Variants in PRDM16 observed in about 807,000 individuals in gnomAD.
The protein encoded by PRDM16 is histone-lysine N-methyltransferase PRDM16.
PRDM16 carries 23 observed loss-of-function variants against 110.6 expected under a neutral mutation model. The ratio of observed to expected loss-of-function variants is 0.21; its 90% CI spans 0.15 to 0.29. PRDM16 has a LOEUF of 0.29. Among genes scored for constraint, PRDM16 ranks in the 10% least tolerant of loss-of-function variants. PRDM16 has a pLI of 1.00. For missense variants in PRDM16, 1,615 were observed against 1,794.3 expected, an observed-to-expected ratio of 0.90 and a Z score of 1.81; for synonymous variants, 799 against 781.8, an observed-to-expected ratio of 1.02 and a Z score of -0.37.
At position 3,278,254 on chromosome 1, in the gene PRDM16, C is replaced by G. The variant is rs1332417247; in HGVS notation, c.438+34117C>G. ...GCCATGCTGCATCTCCTCCAGCATC[C>G]CAAATCCTCCCCATGGGCCATCTCC... On this transcript the variant is annotated intron_variant, in intron 3 of 16. Transcript: ENST00000270722. Among the ~76,000 whole-genome samples the G allele has an allele frequency of 3.3e-5, 5 of 152,220 alleles. No homozygotes were observed. In the East Asian group the frequency reaches 9.6e-4, roughly 29 times the overall value.
chr1:3,332,844 C>T (rs1418767513), intron 3 of PRDM16, among the ~76,000 whole-genome samples: 3 of 152,080 alleles, frequency 2.0e-5, no homozygotes, highest in African/African-American at 7.2e-5. Context: ...CTGGATTTGT[C>T]CTCTCCATGG....
chr1:3,235,072 G>T (rs1639507457), intron 2 of PRDM16, among the ~76,000 whole-genome samples: 1 of 152,256 alleles, frequency 6.6e-6, no homozygotes. Flanking sequence ...AGAGTGCAGA[G>T]GGTGTCCCTG....
chr1:3,316,775 G>C (rs558319898), intron 3 of PRDM16, among the ~76,000 whole-genome samples: 57 of 151,946 alleles, frequency 3.8e-4, no homozygotes, highest in Non-Finnish European at 6.8e-4. Flanking sequence ...AGGGTAGACA[G>C]GAAACATTGA....
chr1:3,253,434 C>T (rs1426116953), intron 3 of PRDM16, among the ~76,000 whole-genome samples: 1 of 147,214 alleles, frequency 6.8e-6, no homozygotes, highest in Non-Finnish European at 1.5e-5. Flanking sequence ...GTTCAATTCC[C>T]ACCTATGAGT....
intron 3 of PRDM16, among the ~76,000 whole-genome samples, chr1:3,351,193 T>G (rs1642474709): frequency 1.3e-5 from 2 of 152,100 alleles, no homozygotes; most frequent in Non-Finnish European, 2.9e-5. Flanking sequence ...CCCCGGCCCC[T>G]GGCCAGTGCC....
At chr1:3,405,682 C>T (rs751168823) in intron 8 of PRDM16, 34 bp downstream of exon 8, 22 of 1,524,670 alleles carry the variant, frequency 1.4e-5, no homozygotes, top group African/African-American at 2.8e-5. Flanking sequence ...GCCTGCCCTC[C>T]GGGTGCGCGG....
At chr1:3,169,963 T>C (rs144781354) in intron 1 of PRDM16, among the ~76,000 whole-genome samples, 1,524 of 152,366 alleles carry the variant, frequency 0.01, 29 homozygotes, top group African/African-American at 0.034. Flanking sequence ...GTATGTGGAC[T>C]GTGCACACCT....
At position 3,081,778 on chromosome 1, in the gene PRDM16, G is replaced by T. The variant is rs1642035053; in HGVS notation, c.37+12482G>T. ...GAGGCCCCCATGGAAGGCCCGTGTT[G>T]GGGGACCTTCCATGGGCAGCAGGGC... is the stretch of plus-strand genomic sequence containing the variant. On this transcript the variant is annotated intron_variant, in intron 1 of 16. Transcript: ENST00000270722. This position sits in a 1 kb window ranked among gnomAD's most constrained non-coding sequence, Gnocchi z 4.6. Among the ~76,000 whole-genome samples, 1 of 151,756 alleles carries T rather than the reference G, an allele frequency of 6.6e-6. No homozygotes were observed. The highest frequency in any genetic ancestry group is 1.5e-5 in the Non-Finnish European group (1 of 67,916).
chr1:3,409,155 G>T (rs570525461), intron 8 of PRDM16, among the ~76,000 whole-genome samples: 339 of 145,398 alleles, frequency 2.3e-3, no homozygotes, highest in Non-Finnish European at 3.4e-3. Flanking sequence ...GTGGGTGTGT[G>T]TGAGTGAGTG....
chr1:3,290,093 C>T lies in PRDM16; in HGVS notation c.438+45956C>T, dbSNP rs1640938797. Among the ~76,000 whole-genome samples the T allele has an allele frequency of 6.6e-6, 1 of 152,204 alleles. No individual in the cohort carries two copies. The highest frequency in any genetic ancestry group is 2.4e-5 in the African/African-American group (1 of 41,462). ...TGCTCGTGAGCGCAGGGTGTTTTTC[C>T]TGAATGAAAACTCACAGAGTGCATG... On this transcript the variant is annotated intron_variant, in intron 3 of 16. Coordinates refer to ENST00000270722, the MANE Select transcript of PRDM16 (RefSeq NM_022114.4). The surrounding 1 kb of genome is among the most constrained non-coding windows in gnomAD (Gnocchi z 4.8).
chr1:3,363,626 A>G (rs1184586950), intron 3 of PRDM16, among the ~76,000 whole-genome samples: 1 of 152,086 alleles, frequency 6.6e-6, no homozygotes, highest in Admixed American at 6.5e-5. Context: ...ATTCATAGTG[A>G]GCTCCCATTG....
chr1:3,142,050 C>T (rs532747881), intron 1 of PRDM16, among the ~76,000 whole-genome samples: 3 of 152,382 alleles, frequency 2.0e-5, no homozygotes, highest in East Asian at 3.9e-4. Context: ...GTGCCAAGCA[C>T]ACCCATCCAC....
chr1:3,235,920 T>C (rs1315467307), intron 2 of PRDM16, among the ~76,000 whole-genome samples: 2 of 151,672 alleles, frequency 1.3e-5, no homozygotes, highest in Admixed American at 1.3e-4. Flanking sequence ...GGTTGTGTGG[T>C]GGAGGAGCTG....
intron 2 of PRDM16, among the ~76,000 whole-genome samples, chr1:3,235,329 C>T (rs1023270153): frequency 2.6e-5 from 4 of 152,200 alleles, no homozygotes; most frequent in African/African-American, 9.6e-5. Context: ...CCGCTGCTTC[C>T]CTTTCTCGTG....
At chr1:3,202,839 A>C (rs1331705888) in intron 2 of PRDM16, among the ~76,000 whole-genome samples, 1 of 152,096 alleles carries the variant, frequency 6.6e-6, no homozygotes, top group African/African-American at 2.4e-5. Context: ...CCACCTGCTA[A>C]ATGAGGAACT....
chr1:3,394,343 C>G, intron 4 of PRDM16: 2 of 374,164 alleles, frequency 5.3e-6, no homozygotes, highest in Non-Finnish European at 1.0e-5. Context: ...CGGAGGGGGC[C>G]AGGCGGAGGA....
chr1:3,186,713 T>G (rs2100798814), intron 2 of PRDM16: 2 of 460,812 alleles, frequency 4.3e-6, no homozygotes, highest in East Asian at 6.9e-5. Flanking sequence ...CTCCCGGAAA[T>G]GTGTCTTTCA....
At chr1:3,233,189 C>T (rs1023201970) in intron 2 of PRDM16, among the ~76,000 whole-genome samples, 4 of 152,172 alleles carry the variant, frequency 2.6e-5, no homozygotes, top group African/African-American at 9.7e-5. Flanking sequence ...CCAGCAGCTG[C>T]CCCCTGCCCA....
rs1641681248 is a variant in PRDM16, at chr1:3,069,322, CGCGCCGCCGG to C, written c.37+28_37+37del. The stretch of plus-strand genomic sequence containing the variant: ...GTAAGTCTCCCGCGCTCGGCCGCGC[CGCGCCGCCGG>C]GGCCCGGGCCGCCGGGCCGGGGCGC... On this transcript the variant is annotated intron_variant, in intron 1 of 16. Coordinates refer to ENST00000270722, the MANE Select transcript of PRDM16 (RefSeq NM_022114.4). This position sits in a 1 kb window ranked among gnomAD's most constrained non-coding sequence, Gnocchi z 6.1. 2 of 1,246,488 alleles carry C rather than the reference CGCGCCGCCGG, an allele frequency of 1.6e-6. No individual in the cohort carries two copies. Among genetic ancestry groups the C allele is most frequent in the African/African-American group, 3.2e-5 (2 of 63,226 alleles). The allele number at this position is 1,246,488 out of a possible 1,614,324, so 77.2% of individuals were successfully genotyped here. A position where few individuals can be genotyped will look rare whatever the true frequency, so the allele number is the denominator to read the frequency against.
Sources: gnomAD v4.1 joint callset for allele counts (sites outside exome capture counted in the v4.1 genomes callset) on GRCh38, gnomAD v4.1.1 for gene constraint, Gnocchi (gnomAD v3.1) non-coding constraint, MANE v1.5 for transcripts, NCBI Gene and HGNC (gene_info 2026-07-23, HGNC 2026-07-21) for gene names.